The following NSMCE2 variants were observed in gnomAD, a reference collection of about 807,000 sequenced individuals.
NSMCE2 encodes NSE2 SUMO ligase component of SMC5/6 complex, also known as E3 SUMO-protein ligase NSE2.
NSMCE2 carries 24 observed loss-of-function variants against 23.8 expected under a neutral mutation model. The observed-to-expected ratio is 1.01, with a 90% CI of 0.73 to 1.42. The LOEUF is 1.42. NSMCE2 is among the 40% of genes most tolerant of loss of function. The probability of loss-of-function intolerance (pLI) is 0.00; values close to 1 mark genes in which losing one functional copy is unlikely to be tolerated. For synonymous variants in NSMCE2, 92 were observed against 94.1 expected, an observed-to-expected ratio of 0.98 and a Z score of 0.13; for missense variants, 284 against 296.5, an observed-to-expected ratio of 0.96 and a Z score of 0.31.
intron 4 of NSMCE2, among the ~76,000 whole-genome samples, chr8:125,164,988 G>A (rs1170484539): frequency 6.6e-6 from 1 of 152,188 alleles, no homozygotes; most frequent in Non-Finnish European, 1.5e-5. Context: ...CATGATAGAA[G>A]ACAGTGATAA....
intron 5 of NSMCE2, among the ~76,000 whole-genome samples, chr8:125,226,216 T>A (rs1203646790): frequency 6.6e-6 from 1 of 152,230 alleles, no homozygotes; most frequent in Non-Finnish European, 1.5e-5. Flanking sequence ...CCTCATGACT[T>A]TAACTAAATA....
At chr8:125,299,968 G>A (rs954145203) in intron 5 of NSMCE2, among the ~76,000 whole-genome samples, 5 of 151,342 alleles carry the variant, frequency 3.3e-5, no homozygotes, top group South Asian at 2.1e-4. Context: ...ACAGGTGCAC[G>A]CCATCATGCT....
intron 5 of NSMCE2, among the ~76,000 whole-genome samples, chr8:125,219,754 T>G (rs963517473): frequency 6.6e-6 from 1 of 152,214 alleles, no homozygotes; most frequent in Non-Finnish European, 1.5e-5. Context: ...CACTGAAGTT[T>G]TGTTTTAGAC....
chr8:125,237,733 C>T (rs759205448), intron 5 of NSMCE2, among the ~76,000 whole-genome samples: 78 of 152,128 alleles, frequency 5.1e-4, no homozygotes, highest in Non-Finnish European at 9.1e-4. Context: ...TCAGTGAGAC[C>T]GGGTATCAGA....
intron 5 of NSMCE2, among the ~76,000 whole-genome samples, chr8:125,316,730 CTTTTCCTT>C (rs765555734): frequency 1.5e-5 from 1 of 66,536 alleles, no homozygotes; most frequent in Non-Finnish European, 2.7e-5. Context: ...TTCTTTCCTT[CTTTTCCTT>C]CCTTCCTTCC....
intron 4 of NSMCE2, among the ~76,000 whole-genome samples, chr8:125,170,991 TTCGCACCCTGC>T (rs757349713): frequency 6.6e-6 from 1 of 152,188 alleles, no homozygotes; most frequent in Non-Finnish European, 1.5e-5. Context: ...TCTGTCCCAC[TTCGCACCCTGC>T]TTTGATTAAT....
At chr8:125,265,382 C>T (rs573470348) in intron 5 of NSMCE2, among the ~76,000 whole-genome samples, 4 of 151,910 alleles carry the variant, frequency 2.6e-5, no homozygotes, top group East Asian at 3.9e-4. Context: ...CCACTGTGCC[C>T]GGCTGATTTT....
intron 3 of NSMCE2, among the ~76,000 whole-genome samples, chr8:125,110,736 T>C (rs1818692261): frequency 6.6e-6 from 1 of 151,916 alleles, no homozygotes; most frequent in South Asian, 2.1e-4. Context: ...TAGCGACGTT[T>C]TGCTTAGATA....
chr8:125,128,145 G>A (rs573231239), intron 3 of NSMCE2, among the ~76,000 whole-genome samples: 7 of 152,170 alleles, frequency 4.6e-5, no homozygotes, highest in Middle Eastern at 3.2e-3. Context: ...GTAGGCTCTT[G>A]TAAGTCAAAT....
chr8:125,141,461 C>G (rs1028124482), intron 3 of NSMCE2, among the ~76,000 whole-genome samples: 2 of 152,210 alleles, frequency 1.3e-5, no homozygotes, highest in Non-Finnish European at 2.9e-5. Flanking sequence ...CATTTATTAA[C>G]TATGTCATCT....
At chr8:125,199,161 G>GT (rs1047868785) in intron 5 of NSMCE2, among the ~76,000 whole-genome samples, 67 of 152,072 alleles carry the variant, frequency 4.4e-4, no homozygotes, top group Middle Eastern at 6.8e-3. Flanking sequence ...TTTTTGAAGG[G>GT]TTTTTTTGTG....
intron 1 of NSMCE2, among the ~76,000 whole-genome samples, chr8:125,095,826 G>A (rs1433906065): frequency 1.4e-5 from 2 of 144,460 alleles, no homozygotes; most frequent in African/African-American, 5.2e-5. Context: ...AGGTTGCAGT[G>A]AGCCAAGGTA....
intron 5 of NSMCE2, among the ~76,000 whole-genome samples, chr8:125,236,851 A>G (rs1825577873): frequency 6.7e-6 from 1 of 149,232 alleles, no homozygotes; most frequent in East Asian, 1.9e-4. Context: ...CCTTTGCTAG[A>G]CTCTTAAAAG....
intron 5 of NSMCE2, among the ~76,000 whole-genome samples, chr8:125,302,839 C>G (rs560820542): frequency 1.3e-5 from 2 of 152,164 alleles, no homozygotes; most frequent in South Asian, 4.1e-4. Flanking sequence ...CTCCACTTGA[C>G]CACTCTGCAA....
At chr8:125,142,414 T>C (rs1820423389) in intron 3 of NSMCE2, among the ~76,000 whole-genome samples, 1 of 152,180 alleles carries the variant, frequency 6.6e-6, no homozygotes, top group South Asian at 2.1e-4. Context: ...ATCGTCTCTC[T>C]TCTGTGTCAC....
intron 3 of NSMCE2, among the ~76,000 whole-genome samples, chr8:125,150,787 T>TA (rs1210715881): frequency 6.6e-6 from 1 of 152,164 alleles, no homozygotes; most frequent in African/African-American, 2.4e-5. Flanking sequence ...CCTTCACAGT[T>TA]TATGCAACAG....
chr8:125,133,245 T>C (rs1819863883), intron 3 of NSMCE2, among the ~76,000 whole-genome samples: 1 of 152,166 alleles, frequency 6.6e-6, no homozygotes, highest in Admixed American at 6.5e-5. Context: ...AAAAAATAGA[T>C]GTGAGTAAAT....
intron 5 of NSMCE2, among the ~76,000 whole-genome samples, chr8:125,317,894 A>G (rs999372172): frequency 2.0e-4 from 31 of 152,354 alleles, no homozygotes; most frequent in African/African-American, 6.7e-4. Flanking sequence ...AAAATTATTT[A>G]TGATATTTTT....
At chr8:125,159,605 C>T (rs1381976301) in intron 4 of NSMCE2, among the ~76,000 whole-genome samples, 2 of 152,106 alleles carry the variant, frequency 1.3e-5, no homozygotes, top group Non-Finnish European at 2.9e-5. Flanking sequence ...CATCGTTAAG[C>T]AGTGCATGAC....
Sources: gnomAD v4.1 joint callset for allele counts (sites outside exome capture counted in the v4.1 genomes callset) on GRCh38, gnomAD v4.1.1 for gene constraint, MANE v1.5 for transcripts, NCBI Gene and HGNC (gene_info 2026-07-23, HGNC 2026-07-21) for gene names.